NGLY1: variants seen among roughly 807,000 people sequenced by gnomAD.
The protein encoded by NGLY1 is N-glycanase 1.
Under a neutral mutation model 84.6 loss-of-function variants are expected in NGLY1, and 68 were observed. The observed-to-expected ratio is 0.80, with a 90% confidence interval of 0.66 to 0.98. The LOEUF (loss-of-function observed/expected upper bound fraction) is 0.98. NGLY1 is among the 50% of genes least tolerant of loss of function. NGLY1 has a pLI of 0.00. For synonymous variants in NGLY1, 280 were observed against 275.2 expected, an observed-to-expected ratio of 1.02 and a Z score of -0.17; for missense variants, 779 against 770.2, an observed-to-expected ratio of 1.01 and a Z score of -0.14.
chr3:25,759,705 T>TA (rs1707212316), intron 3 of NGLY1, among the ~76,000 whole-genome samples: 1 of 152,174 alleles, frequency 6.6e-6, no homozygotes, highest in Non-Finnish European at 1.5e-5. Context: ...TAAAGTTACT[T>TA]AGAGTACAAA....
rs868168145 is a variant in NGLY1 at position 25,732,731 on chromosome 3, G to T, written c.1261-248C>A. Among the ~76,000 whole-genome samples the T allele has an allele frequency of 2.6e-5, 4 of 152,166 alleles. 1 individual carries two copies. In the South Asian group the frequency reaches 8.3e-4, roughly 32 times the overall value. On this transcript the variant is annotated intron_variant, in intron 8 of 11. Transcript: ENST00000280700. Reference sequence around the variant, plus strand: ...ACTCTCCATGAGCTCTACTGTCCTAGATTTATTTATAATGAAGGTAGCAAC... The same window carrying T: ...ACTCTCCATGAGCTCTACTGTCCTATATTTATTTATAATGAAGGTAGCAAC...
At chr3:25,769,571 C>A (rs572819557) in intron 2 of NGLY1, among the ~76,000 whole-genome samples, 1 of 152,012 alleles carries the variant, frequency 6.6e-6, no homozygotes, top group South Asian at 2.1e-4. Flanking sequence ...GGCAAGGATG[C>A]AAAGAATCTT....
chr3:25,778,530 C>A, intron 2 of NGLY1, 44 bp downstream of exon 2: 1 of 1,083,336 alleles, frequency 9.2e-7, no homozygotes, highest in Non-Finnish European at 1.4e-6. Flanking sequence ...ATAATGGCTG[C>A]TTTGTGCATG....
rs766828621 is a variant in NGLY1 at position 25,729,297 on chromosome 3, G to A, written c.1447C>T (p.Pro483Ser). 3 of 1,419,384 alleles carry A rather than the reference G, an allele frequency of 2.1e-6. No individual in the cohort carries two copies. The highest frequency in any genetic ancestry group is 1.7e-5 in the South Asian group (1 of 57,846). The allele number at this position is 1,419,384 out of a possible 1,614,324, so 87.9% of individuals were successfully genotyped here. A position where few individuals can be genotyped will look rare whatever the true frequency, so the allele number is the denominator to read the frequency against. The change falls in exon 10 of 12, where the codon CCC becomes TCC. Residue 483 changes from proline (P) to serine (S), a missense_variant. Pro to Ser is a moderately conservative substitution (Grantham distance 74, BLOSUM62 -1). Transcript: ENST00000280700. ...GLQRKETLFI[P>S]CENEKISKQL... ...TTAGAAATCTTCTCATTTTCACAGG[G>A]AATAAACAAGGTTTCTTTTCTCTTA...
At chr3:25,744,682 C>T (rs899544193) in intron 4 of NGLY1, among the ~76,000 whole-genome samples, 7 of 152,180 alleles carry the variant, frequency 4.6e-5, no homozygotes, top group Admixed American at 4.6e-4. Flanking sequence ...ACTTCCCTTG[C>T]GGCTAAGTGT....
intron 2 of NGLY1, among the ~76,000 whole-genome samples, chr3:25,766,577 G>A (rs1157475122): frequency 6.6e-5 from 10 of 152,146 alleles, no homozygotes; most frequent in South Asian, 2.1e-4. Context: ...ATGATTAGAC[G>A]ACTGGCACAA....
At chr3:25,771,795 A>C (rs6777695) in intron 2 of NGLY1, among the ~76,000 whole-genome samples, 1 of 151,984 alleles carries the variant, frequency 6.6e-6, no homozygotes, top group Non-Finnish European at 1.5e-5. Flanking sequence ...TTATTGCAGC[A>C]ATTGTAAAAG....
At chr3:25,762,667 A>ATT (rs1196508437) in intron 3 of NGLY1, among the ~76,000 whole-genome samples, 1 of 152,172 alleles carries the variant, frequency 6.6e-6, no homozygotes, top group African/African-American at 2.4e-5. Flanking sequence ...GAACTTAAAA[A>ATT]AAGGGCTGGG....
At position 25,783,422 on chromosome 3, in the gene NGLY1, C is replaced by A; in HGVS notation, c.-32G>T. The A allele has an allele frequency of 6.6e-7, 1 of 1,517,542 alleles. No individual in the cohort carries two copies. Among genetic ancestry groups the A allele is most frequent in the Non-Finnish European group, 8.8e-7 (1 of 1,133,968 alleles). The allele number at this position is 1,517,542 out of a possible 1,614,324, so 94.0% of individuals were successfully genotyped here. On this transcript the variant is annotated 5_prime_UTR_variant, in exon 1 of 12. It adds an upstream start codon to the 5' untranslated region. Coordinates refer to ENST00000280700, the MANE Select transcript of NGLY1 (RefSeq NM_018297.4). This position sits in a 1 kb window ranked among gnomAD's most constrained non-coding sequence, Gnocchi z 4.5. The stretch of plus-strand genomic sequence containing the variant: ...GCGCCAGCGGGCGCCGCCGCCGCCC[C>A]TCGCTCTCCGCGTCCCACACTGAGC...
intron 10 of NGLY1, among the ~76,000 whole-genome samples, chr3:25,728,176 A>G (rs745314634): frequency 8.3e-4 from 126 of 152,270 alleles, no homozygotes; most frequent in Non-Finnish European, 1.3e-3. Context: ...AAGCAGCAAG[A>G]TAAGTTTTTG....
At chr3:25,724,726 A>G (rs902609106) in intron 10 of NGLY1, among the ~76,000 whole-genome samples, 1 of 152,122 alleles carries the variant, frequency 6.6e-6, no homozygotes, top group Non-Finnish European at 1.5e-5. Context: ...TTTTGAAGAC[A>G]CTATTTCTCA....
At chr3:25,785,259 T>A (rs1708577595), upstream of NGLY1, among the ~76,000 whole-genome samples, 1 of 150,098 alleles carries the variant, frequency 6.7e-6, no homozygotes, top group Non-Finnish European at 1.5e-5. Context: ...TAAAAGGGGG[T>A]ATTTCAGTAA....
Position 25,783,401 on chromosome 3 carries a change from C to G in NGLY1, c.-11G>C. Reference sequence around the variant, plus strand: ...TGCCGCCGCCGCCATGCTTGAGCGCCAGCGGGCGCCGCCGCCGCCCCTCGC... The same window carrying G: ...TGCCGCCGCCGCCATGCTTGAGCGCGAGCGGGCGCCGCCGCCGCCCCTCGC... On this transcript the variant is annotated 5_prime_UTR_variant, in exon 1 of 12. Coordinates refer to ENST00000280700, the MANE Select transcript of NGLY1 (RefSeq NM_018297.4). The surrounding 1 kb of genome is among the most constrained non-coding windows in gnomAD (Gnocchi z 4.5). 6.6e-7 allele frequency: 1 copy of G among 1,525,548 alleles called. No individual in the cohort carries two copies. Among genetic ancestry groups the G allele is most frequent in the Non-Finnish European group, 8.8e-7 (1 of 1,137,648 alleles). 94.5% of individuals were successfully genotyped at this position (1,525,548 alleles called of 1,614,324 possible).
intron 10 of NGLY1, among the ~76,000 whole-genome samples, chr3:25,726,646 C>T (rs896224112): frequency 6.6e-6 from 1 of 152,142 alleles, no homozygotes; most frequent in African/African-American, 2.4e-5. Context: ...GAGAAGAAGG[C>T]AAGGACCAGA....
intron 7 of NGLY1, chr3:25,734,860 T>G (rs11129205): frequency 0.78 from 706,120 of 906,902 alleles, 287,140 homozygotes; most frequent in East Asian, 0.91. Flanking sequence ...TTTTTAAAAT[T>G]TATCTGCAAA....
chr3:25,737,219 G>A, intron 6 of NGLY1, 115 bp downstream of exon 6: 1 of 785,200 alleles, frequency 1.3e-6, no homozygotes, highest in Non-Finnish European at 2.0e-6. Context: ...CAAGGCAAAT[G>A]GAAGGTCAGA....
chr3:25,784,158 GGTTT>G (rs1404150274), upstream of NGLY1: 1 of 152,122 alleles, frequency 6.6e-6, no homozygotes, highest in Non-Finnish European at 1.5e-5. Flanking sequence ...AACTCTGCTG[GGTTT>G]GTTATATGGA....
upstream of NGLY1, among the ~76,000 whole-genome samples, chr3:25,787,991 C>T (rs976915052): frequency 6.6e-6 from 1 of 152,208 alleles, no homozygotes; most frequent in African/African-American, 2.4e-5. Context: ...CCTTTTCTGA[C>T]TTTACGAGGT....
chr3:25,755,654 A>G (rs531519178), intron 3 of NGLY1: 18 of 1,486,500 alleles, frequency 1.2e-5, no homozygotes, highest in Non-Finnish European at 1.5e-5. Flanking sequence ...AAACATGAAG[A>G]TGATGATGAC....
Sources: gnomAD v4.1 joint callset for allele counts (sites outside exome capture counted in the v4.1 genomes callset) on GRCh38, gnomAD v4.1.1 for gene constraint, Gnocchi (gnomAD v3.1) non-coding constraint, MANE v1.5 for transcripts, NCBI Gene and HGNC (gene_info 2026-07-23, HGNC 2026-07-21) for gene names.